Variants in SLFN5 observed in about 807,000 individuals in gnomAD.
SLFN5 encodes the protein schlafen family member 5.
In SLFN5, 34 loss-of-function variants were observed where a neutral mutation model predicts 48.5. The observed-to-expected ratio is 0.70, with a 90% CI of 0.53 to 0.93. The LOEUF (loss-of-function observed/expected upper bound fraction) is 0.93, where lower values mean the gene tolerates loss of function less well. Among genes scored for constraint, SLFN5 ranks in the 40% least tolerant of loss-of-function variants. The pLI, the probability that SLFN5 is intolerant of heterozygous loss-of-function variation, is 0.00. For missense variants in SLFN5, 1,006 were observed against 1,071.3 expected (o/e 0.94, Z 0.85); for synonymous variants, 387 against 396.2 (o/e 0.98, Z 0.28).
intron 1 of SLFN5, among the ~76,000 whole-genome samples, chr17:35,252,639 C>G (rs1459370887): frequency 6.7e-6 from 1 of 148,330 alleles, no homozygotes; most frequent in Non-Finnish European, 1.5e-5. Flanking sequence ...TTTCACATTT[C>G]TTGTGCTTAA....
chr17:35,254,461 G>A (rs1485325030), intron 1 of SLFN5, among the ~76,000 whole-genome samples: 1 of 152,138 alleles, frequency 6.6e-6, no homozygotes, highest in Non-Finnish European at 1.5e-5. Flanking sequence ...TTTTTTGAGG[G>A]AAGAAATGCA....
At position 35,267,938 on chromosome 17, in the gene SLFN5, G is replaced by A. The variant is rs1252043419; in HGVS notation, c.*2050G>A. ...GAGACCCTTGAGCACAGAAACTCCT[G>A]ATTGTCCCCAGGGACTCTCCGTGGA... On this transcript the variant is annotated 3_prime_UTR_variant, in exon 5 of 5. Transcript: ENST00000299977. 6.6e-6 allele frequency: 1 copy of A among 152,206 alleles called. No individual in the cohort carries two copies. The highest frequency in any genetic ancestry group is 1.5e-5 in the Non-Finnish European group (1 of 68,042). The allele number at this position is 152,206 out of a possible 1,614,324, so 9.4% of individuals were successfully genotyped here.
chr17:35,250,322 A>C (rs1343774067), intron 1 of SLFN5, among the ~76,000 whole-genome samples: 2 of 152,292 alleles, frequency 1.3e-5, no homozygotes, highest in East Asian at 3.9e-4. Context: ...GTCATACTCC[A>C]GAGATTCATT....
chr17:35,263,423 G>A (rs1214343231), intron 3 of SLFN5, among the ~76,000 whole-genome samples: 8 of 152,038 alleles, frequency 5.3e-5, no homozygotes, highest in East Asian at 1.9e-4. Context: ...GAGCCACCAC[G>A]CCCGGCTTCC....
At chr17:35,263,734 A>G (rs1567792184) in intron 3 of SLFN5, among the ~76,000 whole-genome samples, 1 of 151,356 alleles carries the variant, frequency 6.6e-6, no homozygotes, top group African/African-American at 2.4e-5. Flanking sequence ...GAGGCAGGAG[A>G]ATCACTTGAA....
rs747877326 is a variant in SLFN5, at chr17:35,264,508, A to T, written c.1464A>T (p.Leu488Phe). Residue 488 changes from leucine to phenylalanine, a missense_variant, in exon 4 of 5, where the codon TTA becomes TTT. Coordinates refer to ENST00000299977, the MANE Select transcript of SLFN5 (RefSeq NM_144975.4). ...LVNKGGYTGR[L>F]CITPLVCVLN... Reference sequence around the variant, plus strand: ...ACAAAGGCGGCTACACTGGGAGGTTATGCATCACCCCCTTGGTCTGTGTGC... The same window carrying T: ...ACAAAGGCGGCTACACTGGGAGGTTTTGCATCACCCCCTTGGTCTGTGTGC... The T allele has an allele frequency of 6.2e-7, 1 of 1,614,114 alleles. No homozygotes were observed. Among genetic ancestry groups the T allele is most frequent in the Non-Finnish European group, 8.5e-7 (1 of 1,179,974 alleles).
Position 35,259,530 on chromosome 17 carries a change from C to T in SLFN5, c.840C>T (p.Phe280=). The part of the protein sequence containing the change: ...QRPEIKYVLN[F]LEVHDKGALR... ...CTGAGATAAAATATGTCCTTAACTT[C>T]CTTGAAGTGCATGATAAGGGGGCCC... is the stretch of plus-strand genomic sequence containing the variant. The change falls in exon 2 of 5, where the codon TTC becomes TTT. Residue 280 remains phenylalanine (F), a synonymous_variant. Transcript: ENST00000299977. 6.2e-7 allele frequency: 1 copy of T among 1,614,156 alleles called. No homozygotes were observed. The highest frequency in any genetic ancestry group is 1.1e-5 in the South Asian group (1 of 91,078).
intron 3 of SLFN5, among the ~76,000 whole-genome samples, chr17:35,261,792 C>T (rs1904528708): frequency 6.6e-6 from 1 of 151,182 alleles, no homozygotes; most frequent in Non-Finnish European, 1.5e-5. Context: ...TCTTCTGCCT[C>T]AGCCTCTCAG....
chr17:35,264,362 G>A lies in SLFN5; in HGVS notation c.1318G>A (p.Asp440Asn). The change falls in exon 4 of 5, where the codon GAT becomes AAT. Residue 440 changes from aspartate to asparagine, a missense_variant. Physicochemically the swap from Asp to Asn is conservative, Grantham distance 23. Transcript: ENST00000299977. The stretch of plus-strand genomic sequence containing the variant: ...GCAAGAGAAGCAGGGAGTCATCTGT[G>A]ATGCTCTTCTAATTTCCCAGAACAA... ...GLQEKQGVICDALLISQNNTP... is the reference protein window; with the variant it reads ...GLQEKQGVICNALLISQNNTP... 1 of 1,614,178 alleles carries A rather than the reference G, an allele frequency of 6.2e-7. No individual in the cohort carries two copies. The highest frequency in any genetic ancestry group is 8.5e-7 in the Non-Finnish European group (1 of 1,180,030).
rs150060179 is a variant in SLFN5 at position 35,245,642 on chromosome 17, A to G, written c.-41+2499A>G. ...AGCATCATTGTTTTCAGATTCATCT[A>G]TGTCATTGTGGGTACCAATAGTTCT... is the stretch of plus-strand genomic sequence containing the variant. On this transcript the variant is annotated intron_variant, in intron 1 of 4. Coordinates refer to ENST00000299977, the MANE Select transcript of SLFN5 (RefSeq NM_144975.4). 2.0e-3 allele frequency among the ~76,000 whole-genome samples: 307 copies of G among 152,252 alleles called. 1 individual carries two copies. The highest frequency in any genetic ancestry group is 6.7e-3 in the African/African-American group (278 of 41,558).
chr17:35,259,127 A>C lies in SLFN5; in HGVS notation c.437A>C (p.Asn146Thr), dbSNP rs1239681406. The C allele has an allele frequency of 6.2e-7, 1 of 1,614,072 alleles. No homozygotes were observed. The highest frequency in any genetic ancestry group is 8.5e-7 in the Non-Finnish European group (1 of 1,180,040). Residue 146 changes from asparagine to threonine, a missense_variant, in exon 2 of 5, where the codon AAT (asparagine) becomes ACT (threonine). Asn to Thr is a moderately conservative substitution (Grantham distance 65, BLOSUM62 0). Transcript: ENST00000299977. ...AAATGCAGGACTCAGACTCCAACGA[A>C]TATTAATGTTTCCAATTCATTAGGT... ...FLKCRTQTPTNINVSNSLGPQ... is the reference protein window; with the variant it reads ...FLKCRTQTPTTINVSNSLGPQ...
intron 1 of SLFN5, among the ~76,000 whole-genome samples, chr17:35,250,658 CAA>C (rs58089633): frequency 1.5e-5 from 2 of 134,144 alleles, no homozygotes; most frequent in Non-Finnish European, 1.6e-5. Context: ...AGACTCATCT[CAA>C]AAAAAAAAAA....
In SLFN5 at chr17:35,258,723, TC is replaced by T. The variant is rs763561149; in HGVS notation, c.35del (p.Pro12LeufsTer5). The T allele has an allele frequency of 4.1e-5, 66 of 1,613,978 alleles. 1 individual carries two copies. In the East Asian group the frequency reaches 1.3e-3, roughly 31 times the overall value. On this transcript the variant is annotated frameshift_variant, in exon 2 of 5. Transcript: ENST00000299977. LOFTEE classifies it high-confidence loss of function. ...SLRIDVDTNF[P>X]ECVVDAGKVT... ...TTAGGATTGATGTGGATACAAACTTTCCTGAGTGTGTTGTAGATGCAGGAAA... is the reference window on the plus strand; with the variant it reads ...TTAGGATTGATGTGGATACAAACTTTCTGAGTGTGTTGTAGATGCAGGAAA...
rs771476088 is a variant in SLFN5 at position 35,265,384 on chromosome 17, A to C, written c.2172A>C (p.Gln724His). The C allele has an allele frequency of 3.7e-6, 6 of 1,614,098 alleles. No individual in the cohort carries two copies. The highest frequency in any genetic ancestry group is 5.1e-6 in the Non-Finnish European group (6 of 1,180,052). Residue 724 changes from glutamine (Q) to histidine (H), a missense_variant, in exon 5 of 5, where the codon CAA becomes CAC. By Grantham distance (24) the Gln-to-His change is conservative (BLOSUM62 0). Coordinates refer to ENST00000299977, the MANE Select transcript of SLFN5 (RefSeq NM_144975.4). Reference sequence around the variant, plus strand: ...GTCCAATAGCTAATTACCTACAACAAGTAATGCAGGAAGCCCGACAAAATC... The same window carrying C: ...GTCCAATAGCTAATTACCTACAACACGTAATGCAGGAAGCCCGACAAAATC... ...NAGPIANYLQQVMQEARQNPP... is the reference protein window; with the variant it reads ...NAGPIANYLQHVMQEARQNPP...
chr17:35,253,712 T>G (rs868725347), intron 1 of SLFN5, among the ~76,000 whole-genome samples: 131 of 100,286 alleles, frequency 1.3e-3, no homozygotes, highest in Middle Eastern at 7.7e-3. Flanking sequence ...TTTTTTTTTT[T>G]TTTGAGATGG....
chr17:35,253,623 C>A (rs1041933276), intron 1 of SLFN5, among the ~76,000 whole-genome samples: 3 of 152,026 alleles, frequency 2.0e-5, no homozygotes, highest in African/African-American at 4.8e-5. Context: ...AATCCTCCCA[C>A]CTTGGCCTCC....
intron 1 of SLFN5, among the ~76,000 whole-genome samples, chr17:35,255,444 T>C (rs1003477663): frequency 6.6e-6 from 1 of 152,216 alleles, no homozygotes; most frequent in Non-Finnish European, 1.5e-5. Flanking sequence ...TACCATGATA[T>C]GTGTGTGTAT....
intron 4 of SLFN5, 62 bp downstream of exon 4, chr17:35,264,965 G>C: frequency 1.3e-6 from 2 of 1,535,490 alleles, no homozygotes; most frequent in African/African-American, 2.8e-5. Flanking sequence ...GTGGCTTTCA[G>C]TTTACTTGCT....
At chr17:35,245,682 G>A (rs972503401) in intron 1 of SLFN5, among the ~76,000 whole-genome samples, 6 of 151,940 alleles carry the variant, frequency 3.9e-5, no homozygotes, top group Admixed American at 6.6e-5. Flanking sequence ...TTTTTATTAC[G>A]GTTGAGTAGT....
Sources: gnomAD v4.1 joint callset for allele counts (sites outside exome capture counted in the v4.1 genomes callset) on GRCh38, gnomAD v4.1.1 for gene constraint, MANE v1.5 for transcripts, NCBI Gene and HGNC (gene_info 2026-07-23, HGNC 2026-07-21) for gene names.